The following SPATA13 variants were observed in gnomAD, a reference collection of about 807,000 sequenced individuals.
SPATA13 encodes the protein spermatogenesis associated 13, also known as spermatogenesis-associated protein 13.
Under a neutral mutation model 104.0 loss-of-function variants are expected in SPATA13, and 50 were observed. The observed-to-expected ratio is 0.48, with a 90% CI of 0.38 to 0.61. SPATA13 has a LOEUF of 0.61. SPATA13 is among the 20% of genes least tolerant of loss of function. The pLI is 0.00. For missense variants in SPATA13, 1,524 were observed against 1,690.6 expected (o/e 0.90, Z 1.73); for synonymous variants, 606 against 667.5 (o/e 0.91, Z 1.42).
chr13:24,251,947 C>T (rs1227007454), intron 4 of SPATA13, 85 bp downstream of exon 4: 3 of 1,500,658 alleles, frequency 2.0e-6, no homozygotes, highest in African/African-American at 1.4e-5. Context: ...AGGTTCTGCA[C>T]CTTCGCGCCT....
intron 4 of SPATA13, among the ~76,000 whole-genome samples, chr13:24,280,260 T>C: frequency 6.6e-6 from 1 of 152,238 alleles, no homozygotes; most frequent in South Asian, 2.1e-4. Flanking sequence ...GTTTTTCTCC[T>C]GGTACCTCCT....
intron 2 of SPATA13, among the ~76,000 whole-genome samples, chr13:23,996,538 G>T (rs1177245729): frequency 6.6e-6 from 1 of 152,196 alleles, no homozygotes; most frequent in East Asian, 1.9e-4. Flanking sequence ...GAAGTGATGT[G>T]CAGAAACAGC....
chr13:24,191,069 C>T (rs920216439), intron 1 of SPATA13, among the ~76,000 whole-genome samples: 2 of 152,116 alleles, frequency 1.3e-5, no homozygotes, highest in African/African-American at 4.8e-5. Flanking sequence ...TTAGGACTTG[C>T]TGAATGCTTG....
intron 1 of SPATA13, among the ~76,000 whole-genome samples, chr13:24,215,719 G>A (rs994134794): frequency 6.6e-6 from 1 of 152,198 alleles, no homozygotes; most frequent in South Asian, 2.1e-4. Flanking sequence ...TGACTGCACT[G>A]TTGGGTGACT....
chr13:24,052,541 A>C (rs1454184552), intron 3 of SPATA13, among the ~76,000 whole-genome samples: 1 of 150,866 alleles, frequency 6.6e-6, no homozygotes, highest in African/African-American at 2.4e-5. Context: ...TGTTCTGGGC[A>C]GTTGTGAGGA....
chr13:24,054,537 C>T lies in SPATA13; in HGVS notation c.-112+36836C>T, dbSNP rs549121270. Among the ~76,000 whole-genome samples the T allele has an allele frequency of 5.3e-4, 80 of 150,188 alleles. 2 individuals carry two copies. In the South Asian group the frequency reaches 0.016, roughly 31 times the overall value. On this transcript the variant is annotated intron_variant, in intron 3 of 14. Transcript: ENST00000424834. ...AGCTGTCTAATGTGCAAACCAGATA[C>T]GCATTTTTAGTTTAAATTAACTTTG...
rs141312904 is a variant in SPATA13 at position 24,297,727 on chromosome 13, A to G, written c.3575A>G (p.Lys1192Arg). Residue 1192 changes from lysine (K) to arginine (R), a missense_variant, in exon 11 of 13, where the codon AAG becomes AGG. Around this residue, in one of 2 missense-constraint regions of SPATA13, gnomAD observed 435 missense variants for 554.8 expected, o/e 0.78. Coordinates refer to ENST00000382108, the MANE Select transcript of SPATA13 (RefSeq NM_001166271.3). Reference protein sequence around the residue: ...ADERRRVQEDKEMGMEISENQ... With the variant: ...ADERRRVQEDREMGMEISENQ... ...GAAAGGAGGCGGGTGCAAGAGGACA[A>G]GGAGATGGGTGAGCAGCCCTTGGCT... The G allele has an allele frequency of 1.3e-4, 203 of 1,610,396 alleles. No homozygotes were observed. The highest frequency in any genetic ancestry group is 1.6e-4 in the Non-Finnish European group (189 of 1,177,664).
At chr13:24,276,569 C>T (rs542324860) in intron 4 of SPATA13, among the ~76,000 whole-genome samples, 3 of 152,220 alleles carry the variant, frequency 2.0e-5, no homozygotes, top group East Asian at 1.9e-4. Context: ...TTCTGTCGTA[C>T]AAGAGTGTGA....
At chr13:24,072,046 A>G (rs889630117) in intron 3 of SPATA13, among the ~76,000 whole-genome samples, 1 of 152,202 alleles carries the variant, frequency 6.6e-6, no homozygotes, top group African/African-American at 2.4e-5. Flanking sequence ...TAGAAGATAA[A>G]AGAAGTGCAC....
intron 9 of SPATA13, among the ~76,000 whole-genome samples, chr13:24,293,149 G>A (rs1226369526): frequency 1.3e-5 from 2 of 151,180 alleles, no homozygotes; most frequent in African/African-American, 2.4e-5. Flanking sequence ...ATTAGAAAAA[G>A]GAGTTCATTG....
intron 3 of SPATA13, among the ~76,000 whole-genome samples, chr13:24,020,293 A>AGCCTCCCGAGTAGCTGGGACT (rs1876920728): frequency 6.6e-6 from 1 of 152,236 alleles, no homozygotes; most frequent in Non-Finnish European, 1.5e-5. Context: ...TTGAACTTCT[A>AGCCTCCCGAGTAGCTGGGACT]ACCAATATGC....
exon 1 of SPATA13, chr13:23,979,812 C>T (rs1874790854): frequency 6.6e-6 from 1 of 152,640 alleles, no homozygotes; most frequent in African/African-American, 2.4e-5. Flanking sequence ...GGCGCGCACC[C>T]GGGACAGTTT....
intron 1 of SPATA13, among the ~76,000 whole-genome samples, chr13:24,213,568 G>A (rs529418203): frequency 4.6e-5 from 7 of 152,204 alleles, no homozygotes; most frequent in African/African-American, 1.7e-4. Context: ...CCCGGCCAGG[G>A]TCTTTCTTAT....
intron 1 of SPATA13, among the ~76,000 whole-genome samples, chr13:24,184,963 T>G (rs1412593182): frequency 6.6e-6 from 1 of 152,242 alleles, no homozygotes; most frequent in Non-Finnish European, 1.5e-5. Flanking sequence ...AGCAGCCGTA[T>G]GGGTCATTCC....
chr13:24,116,780 C>CAG (rs1491337824), intron 3 of SPATA13, among the ~76,000 whole-genome samples: 1 of 150,700 alleles, frequency 6.6e-6, no homozygotes, highest in East Asian at 1.9e-4. Flanking sequence ...CCCCCCCCCC[C>CAG]CAATGTGCTG....
At chr13:24,151,938 A>G (rs1243853135) in intron 3 of SPATA13, among the ~76,000 whole-genome samples, 1 of 152,184 alleles carries the variant, frequency 6.6e-6, no homozygotes, top group Non-Finnish European at 1.5e-5. Flanking sequence ...GAGGGCTGCA[A>G]AGGGAGAGAA....
intron 3 of SPATA13, among the ~76,000 whole-genome samples, chr13:24,075,330 G>A (rs896542864): frequency 3.9e-5 from 6 of 152,036 alleles, no homozygotes; most frequent in Admixed American, 1.3e-4. Flanking sequence ...CCTGGATCTC[G>A]GTTTGGCAAA....
Position 24,290,846 on chromosome 13 carries a change from G to A in SPATA13, c.3042G>A (p.Gln1014=). The change falls in exon 9 of 13, where the codon CAG becomes CAA. Residue 1014 remains glutamine, a synonymous_variant. Transcript: ENST00000382108. The part of the protein sequence containing the change: ...PVQKICKYPL[Q]LAELLKYTTQ... ...AGAAGATCTGCAAATACCCGCTGCA[G>A]CTGGCCGAGCTGCTCAAGTATACCA... The A allele has an allele frequency of 6.2e-7, 1 of 1,614,148 alleles. No homozygotes were observed.
chr13:24,138,432 A>T (rs1427979444), intron 3 of SPATA13, among the ~76,000 whole-genome samples: 1 of 152,190 alleles, frequency 6.6e-6, no homozygotes, highest in East Asian at 1.9e-4. Flanking sequence ...TGGAACTGCT[A>T]TTGAACATTG....
Sources: gnomAD v4.1 joint callset for allele counts (sites outside exome capture counted in the v4.1 genomes callset) on GRCh38, gnomAD v4.1.1 for gene constraint, gnomAD v4.1.1 regional missense constraint, MANE v1.5 for transcripts, NCBI Gene and HGNC (gene_info 2026-07-23, HGNC 2026-07-21) for gene names.